UGT1A1: variants seen among roughly 807,000 people sequenced by gnomAD.
UGT1A1 encodes the protein UDP glucuronosyltransferase family 1 member A1, also known as UDP-glucuronosyltransferase 1A1.
Under a neutral mutation model 40.6 loss-of-function variants are expected in UGT1A1, and 33 were observed. That is an observed-to-expected ratio of 0.81 (90% confidence interval 0.62 to 1.09). UGT1A1 has a LOEUF of 1.09. Ranked by LOEUF, UGT1A1 falls within the 50% of genes least tolerant of loss-of-function variation. UGT1A1 has a pLI of 0.00. For synonymous variants in UGT1A1, 249 were observed against 265.0 expected (o/e 0.94, Z 0.59); for missense variants, 694 against 671.2 (o/e 1.03, Z -0.38).
In UGT1A1 at chr2:233,768,411, G is replaced by T. The variant is rs750232648; in HGVS notation, c.1276G>T (p.Ala426Ser). The T allele has an allele frequency of 1.2e-6, 2 of 1,613,974 alleles. No individual in the cohort carries two copies. Among genetic ancestry groups the T allele is most frequent in the Non-Finnish European group, 1.7e-6 (2 of 1,180,022 alleles). Residue 426 changes from alanine to serine, a missense_variant, in exon 4 of 5, where the codon GCT becomes TCT. Coordinates refer to ENST00000305208, the MANE Select transcript of UGT1A1 (RefSeq NM_000463.3). Reference protein sequence around the residue: ...LEMTSEDLENALKAVINDKSY... With the variant: ...LEMTSEDLENSLKAVINDKSY... Reference sequence around the variant, plus strand: ...AATGACTTCTGAAGATTTAGAAAATGCTCTAAAAGCAGTCATCAATGACAA... The same window carrying T: ...AATGACTTCTGAAGATTTAGAAAATTCTCTAAAAGCAGTCATCAATGACAA...
chr2:233,771,661 T>C (rs899762223), intron 4 of UGT1A1: 2 of 152,426 alleles, frequency 1.3e-5, no homozygotes, highest in African/African-American at 4.8e-5. Context: ...TAATGAAATT[T>C]CTCACAAAAT....
At chr2:233,761,199 A>G (rs767135825) in intron 1 of UGT1A1, 48 bp downstream of exon 1, 6 of 1,614,054 alleles carry the variant, frequency 3.7e-6, no homozygotes, top group Admixed American at 1.7e-5. Flanking sequence ...TTTCAGATGT[A>G]TTACTTTGGA....
rs1272833298 is a variant in UGT1A1, at chr2:233,768,361, C to T, written c.1226C>T (p.Ala409Val). ...DNAKRMETKG[A>V]GVTLNVLEMT... is the part of the protein sequence containing the mutation. ...GCAAAGCGCATGGAGACTAAGGGAG[C>T]TGGAGTGACCCTGAATGTTCTGGAA... Residue 409 changes from alanine to valine, a missense_variant, in exon 4 of 5, where the codon GCT becomes GTT. Physicochemically the swap from Ala to Val is moderately conservative, Grantham distance 64. Coordinates refer to ENST00000305208, the MANE Select transcript of UGT1A1 (RefSeq NM_000463.3). 1 of 1,614,004 alleles carries T rather than the reference C, an allele frequency of 6.2e-7. No individual in the cohort carries two copies. The highest frequency in any genetic ancestry group is 1.3e-5 in the African/African-American group (1 of 74,914).
At chr2:233,772,139 G>C in intron 4 of UGT1A1, 123 bp from the exon 5 acceptor site, 1 of 1,548,574 alleles carries the variant, frequency 6.5e-7, no homozygotes, top group Non-Finnish European at 8.7e-7. Context: ...AACAATAATA[G>C]AAACAGGTTT....
chr2:233,769,665 G>A lies in UGT1A1; in HGVS notation c.1304+1226G>A. 6.3e-7 allele frequency: 1 copy of A among 1,592,194 alleles called. No individual in the cohort carries two copies. Among genetic ancestry groups the A allele is most frequent in the Non-Finnish European group, 8.6e-7 (1 of 1,169,328 alleles). On this transcript the variant is annotated intron_variant, in intron 4 of 4. Transcript: ENST00000305208. The surrounding 1 kb of genome is among the most constrained non-coding windows in gnomAD (Gnocchi z 4.4). ...TGATGACTGACTTCCCACCTTTGAG[G>A]TGCTAATGTGTGTGTGGTGGCACTG...
At position 233,767,154 on chromosome 2, in the gene UGT1A1, A is replaced by C. The variant is rs1339405023; in HGVS notation, c.985A>C (p.Ile329Leu). ...AMAIADALGK[I>L]PQTVLWRYTG... Reference sequence around the variant, plus strand: ...GGCAATTGCTGATGCTTTGGGCAAAATCCCTCAGACAGTAAGAAGATTCTA... The same window carrying C: ...GGCAATTGCTGATGCTTTGGGCAAACTCCCTCAGACAGTAAGAAGATTCTA... Residue 329 changes from isoleucine (I) to leucine (L), a missense_variant, in exon 2 of 5, where the codon ATC (isoleucine) becomes CTC (leucine). Physicochemically the swap from Ile to Leu is conservative, Grantham distance 5 (BLOSUM62 2). Transcript: ENST00000305208. 1.9e-5 allele frequency: 31 copies of C among 1,614,082 alleles called. No homozygotes were observed. The highest frequency in any genetic ancestry group is 2.6e-5 in the Non-Finnish European group (31 of 1,180,002).
At position 233,764,416 on chromosome 2, in the gene UGT1A1, C is replaced by A. The variant is rs559795881; in HGVS notation, c.865-2618C>A. ...GACAACTTCTCTGCAGTTTGCCCTGCGTGAATCTCCAGATGAACTTTTGTG... is the reference window on the plus strand; with the variant it reads ...GACAACTTCTCTGCAGTTTGCCCTGAGTGAATCTCCAGATGAACTTTTGTG... On this transcript the variant is annotated intron_variant, in intron 1 of 4. Transcript: ENST00000305208. Among the ~76,000 whole-genome samples, 6 of 152,272 alleles carry A rather than the reference C, an allele frequency of 3.9e-5. No individual in the cohort carries two copies. In the South Asian group the frequency reaches 8.3e-4, roughly 21 times the overall value.
intron 1 of UGT1A1, among the ~76,000 whole-genome samples, chr2:233,766,156 G>C (rs1699057554): frequency 6.6e-6 from 1 of 152,196 alleles, no homozygotes; most frequent in Admixed American, 6.5e-5. Context: ...TGGGCTTGGA[G>C]AATGAGTGCA....
chr2:233,766,982 T>C (rs1699301954), intron 1 of UGT1A1, 52 bp from the exon 2 acceptor site: 9 of 1,612,798 alleles, frequency 5.6e-6, no homozygotes, highest in Non-Finnish European at 7.6e-6. Context: ...CTGTATGTAG[T>C]CATCAAAGAA....
chr2:233,762,253 C>T (rs1056806461), intron 1 of UGT1A1, among the ~76,000 whole-genome samples: 3 of 152,100 alleles, frequency 2.0e-5, no homozygotes, highest in African/African-American at 7.2e-5. Context: ...AGGCACCCAC[C>T]GAATATGTGT....
In UGT1A1 at chr2:233,760,863, C is replaced by A; in HGVS notation, c.576C>A (p.Tyr192Ter). ...CCCAGTGCCCCAACCCATTCTCCTA[C>A]GTGCCCAGGCCTCTCTCCTCTCATT... is the stretch of plus-strand genomic sequence containing the variant. ...EATQCPNPFS[Y>*]VPRPLSSHSD... Residue 192 changes from tyrosine (Y) to a stop codon, truncating the protein, a stop_gained, in exon 1 of 5, where the codon TAC becomes TAA. Transcript: ENST00000305208. LOFTEE classifies it high-confidence loss of function. The A allele has an allele frequency of 6.2e-7, 1 of 1,614,134 alleles. No homozygotes were observed. Among genetic ancestry groups the A allele is most frequent in the Non-Finnish European group, 8.5e-7 (1 of 1,179,986 alleles).
Position 233,768,287 on chromosome 2 carries a change from T to C in UGT1A1, c.1152T>C (p.Asn384=), listed in dbSNP as rs1256701591. ...ATGGTGTTTATGAAAGCATATGCAA[T>C]GGCGTTCCCATGGTGATGATGCCCT... ...GSHGVYESIC[N]GVPMVMMPLF... Residue 384 remains asparagine (N), a synonymous_variant, in exon 4 of 5, where the codon AAT becomes AAC. Coordinates refer to ENST00000305208, the MANE Select transcript of UGT1A1 (RefSeq NM_000463.3). 1 of 1,614,056 alleles carries C rather than the reference T, an allele frequency of 6.2e-7. No homozygotes were observed. Among genetic ancestry groups the C allele is most frequent in the Non-Finnish European group, 8.5e-7 (1 of 1,180,042 alleles).
At chr2:233,768,544 T>C in intron 4 of UGT1A1, 105 bp downstream of exon 4, 1 of 1,425,890 alleles carries the variant, frequency 7.0e-7, no homozygotes, top group South Asian at 1.4e-5. Context: ...GTTTCAAATA[T>C]AAAAACAAAT....
At chr2:233,772,125 C>T in intron 4 of UGT1A1, 137 bp from the exon 5 acceptor site, 1 of 1,536,166 alleles carries the variant, frequency 6.5e-7, no homozygotes, top group South Asian at 1.2e-5. Flanking sequence ...AAAACAACAA[C>T]AACAACAATA....
At chr2:233,761,879 T>C (rs1697890681) in intron 1 of UGT1A1, among the ~76,000 whole-genome samples, 1 of 152,212 alleles carries the variant, frequency 6.6e-6, no homozygotes, top group Admixed American at 6.5e-5. Flanking sequence ...AGAGCGTTCA[T>C]TCACTTATCC....
intron 1 of UGT1A1, among the ~76,000 whole-genome samples, chr2:233,762,105 C>G (rs879435361): frequency 5.9e-5 from 9 of 151,972 alleles, no homozygotes; most frequent in African/African-American, 2.2e-4. Context: ...GTTGATTGTC[C>G]GCTTCACATC....
intron 4 of UGT1A1, 143 bp downstream of exon 4, chr2:233,768,582 C>CTTTTTTTTTTTTTTTTTTTTTTTTTTT (rs139595073): frequency 1.2e-6 from 1 of 867,188 alleles, no homozygotes; most frequent in Non-Finnish European, 1.4e-6. Flanking sequence ...TTTATTTCTT[C>CTTTTTTTTTTTTTTTTTTTTTTTTTTT]TTTTTTTTTT....
At chr2:233,763,334 A>C (rs1454444157) in intron 1 of UGT1A1, among the ~76,000 whole-genome samples, 1 of 152,148 alleles carries the variant, frequency 6.6e-6, no homozygotes, top group Non-Finnish European at 1.5e-5. Flanking sequence ...TTTTGTTTAC[A>C]TTTCCCTAGC....
At chr2:233,770,476 A>T (rs1030894944) in intron 4 of UGT1A1, 3 of 152,132 alleles carry the variant, frequency 2.0e-5, no homozygotes, top group African/African-American at 7.2e-5. Flanking sequence ...CAACATGAAG[A>T]AACCTTATCT....
Sources: allele counts gnomAD v4.1 joint callset (sites outside exome capture counted in the v4.1 genomes callset), GRCh38; gene constraint gnomAD v4.1.1; non-coding constraint Gnocchi (gnomAD v3.1); transcripts MANE v1.5; gene names NCBI Gene and HGNC (gene_info 2026-07-23, HGNC 2026-07-21).